The following TENM4 variants were observed in gnomAD, a reference collection of about 807,000 sequenced individuals.
The protein encoded by TENM4 is teneurin-4.
In TENM4, 82 loss-of-function variants were observed where a neutral mutation model predicts 243.3. The observed-to-expected ratio is 0.34, with a 90% CI of 0.28 to 0.40. The LOEUF is 0.40. Ranked by LOEUF, TENM4 falls within the 10% of genes least tolerant of loss-of-function variation. TENM4 has a pLI of 1.00. For synonymous variants in TENM4, 1,412 were observed against 1,456.3 expected, an observed-to-expected ratio of 0.97 and a Z score of 0.69; for missense variants, 3,138 against 3,673.3, an observed-to-expected ratio of 0.85 and a Z score of 3.77.
intron 1 of TENM4, among the ~76,000 whole-genome samples, chr11:79,325,655 G>A (rs755793578): frequency 4.8e-4 from 73 of 152,196 alleles, no homozygotes; most frequent in Admixed American, 1.6e-3. Context: ...TGTTTATTAT[G>A]AGCAAAGGCT....
At chr11:78,663,696 C>T (rs74371635) in intron 32 of TENM4, among the ~76,000 whole-genome samples, 4,328 of 152,222 alleles carry the variant, frequency 0.028, 91 homozygotes, top group Non-Finnish European at 0.041. Context: ...AGCCTCTTTT[C>T]CTTATAAATT....
chr11:78,862,984 C>T lies in TENM4; in HGVS notation c.1233G>A (p.Arg411=), dbSNP rs1253808496. ...TACCTTCTGTGGTTCCTTTGCCTTT[C>T]CTGTCAGGGGTCTCTAAGCCAGTGC... ...SGGTGLETPD[R]KGKGTTEGKP... is the part of the protein sequence containing the mutation. Residue 411 remains arginine, a synonymous_variant, in exon 10 of 34, where the codon AGG becomes AGA. Transcript: ENST00000278550. The T allele has an allele frequency of 2.0e-6, 3 of 1,475,958 alleles. No homozygotes were observed. Among genetic ancestry groups the T allele is most frequent in the Non-Finnish European group, 2.7e-6 (3 of 1,095,078 alleles). The allele number at this position is 1,475,958 out of a possible 1,614,324, so 91.4% of individuals were successfully genotyped here.
chr11:78,788,976 C>A (rs1856997305), intron 15 of TENM4, among the ~76,000 whole-genome samples: 1 of 152,020 alleles, frequency 6.6e-6, no homozygotes, highest in South Asian at 2.1e-4. Flanking sequence ...TGTAATTCAC[C>A]CTGTGGGTTA....
At chr11:78,729,283 T>C in intron 22 of TENM4, 93 bp downstream of exon 22, 1 of 1,367,058 alleles carries the variant, frequency 7.3e-7, no homozygotes, top group Non-Finnish European at 9.8e-7. Context: ...ATTTTTGATC[T>C]GAGAAGAGGA....
At chr11:79,057,019 G>C (rs888576025) in intron 6 of TENM4, among the ~76,000 whole-genome samples, 1 of 152,130 alleles carries the variant, frequency 6.6e-6, no homozygotes, top group African/African-American at 2.4e-5. Flanking sequence ...CCATCCACAG[G>C]TACAGGTACT....
chr11:79,306,981 C>G (rs80253422), intron 1 of TENM4, among the ~76,000 whole-genome samples: 5,346 of 152,218 alleles, frequency 0.035, 299 homozygotes, highest in African/African-American at 0.12. Flanking sequence ...AGAAAATGTA[C>G]CAGATGTGCC....
At chr11:79,170,119 G>A (rs1445706262) in intron 3 of TENM4, among the ~76,000 whole-genome samples, 5 of 151,982 alleles carry the variant, frequency 3.3e-5, no homozygotes, top group African/African-American at 9.7e-5. Context: ...GGTTTTTGGA[G>A]GATAATGGTA....
intron 9 of TENM4, among the ~76,000 whole-genome samples, chr11:78,888,706 A>G (rs1054688343): frequency 1.3e-5 from 2 of 152,218 alleles, no homozygotes; most frequent in Non-Finnish European, 2.9e-5. Context: ...TCTTTTTCAC[A>G]GTGGGCAGCA....
intron 4 of TENM4, among the ~76,000 whole-genome samples, chr11:79,114,503 A>G (rs548137238): frequency 2.6e-4 from 39 of 152,350 alleles, no homozygotes; most frequent in African/African-American, 8.9e-4. Context: ...TTTATTTTCT[A>G]CATGACAAAA....
intron 6 of TENM4, among the ~76,000 whole-genome samples, chr11:79,058,961 T>C (rs777999983): frequency 1.2e-4 from 19 of 152,316 alleles, no homozygotes; most frequent in Admixed American, 4.6e-4. Flanking sequence ...GATATTCTTA[T>C]AGATTTTTAA....
chr11:78,995,765 G>A (rs952428712), intron 6 of TENM4, among the ~76,000 whole-genome samples: 2 of 151,942 alleles, frequency 1.3e-5, no homozygotes, highest in Non-Finnish European at 2.9e-5. Flanking sequence ...CAGAGTGAGG[G>A]TGGCAAGAAA....
chr11:78,905,569 T>C (rs565007050), intron 6 of TENM4, among the ~76,000 whole-genome samples: 4 of 152,298 alleles, frequency 2.6e-5, no homozygotes, highest in Non-Finnish European at 4.4e-5. Flanking sequence ...AGCTCCATCA[T>C]GCATCCTCCA....
chr11:78,846,036 T>C (rs1336749251), intron 12 of TENM4, among the ~76,000 whole-genome samples: 1 of 152,200 alleles, frequency 6.6e-6, no homozygotes, highest in African/African-American at 2.4e-5. Flanking sequence ...GCTGATTCTC[T>C]GACTACGAGA....
chr11:79,176,224 A>G (rs965322518), intron 3 of TENM4, among the ~76,000 whole-genome samples: 10 of 152,228 alleles, frequency 6.6e-5, no homozygotes, highest in African/African-American at 1.9e-4. Flanking sequence ...CAGTCATTCA[A>G]CTGATGACTT....
chr11:78,854,162 C>G lies in TENM4; in HGVS notation c.1623G>C (p.Leu541Phe). The change falls in exon 12 of 34, where the codon TTG (leucine) becomes TTC (phenylalanine). Residue 541 changes from leucine (L) to phenylalanine (F), a missense_variant. By Grantham distance (22) the Leu-to-Phe change is conservative. Transcript: ENST00000278550. ...IQYLDSGIWH[L>F]AFYNDGKESE... ...ACTCCTTTCCGTCATTGTAAAAAGCCAAGTGCCAGATTCCTGAATCCAAAT... is the reference window on the plus strand; with the variant it reads ...ACTCCTTTCCGTCATTGTAAAAAGCGAAGTGCCAGATTCCTGAATCCAAAT... 6.4e-7 allele frequency: 1 copy of G among 1,551,716 alleles called. No individual in the cohort carries two copies. Among genetic ancestry groups the G allele is most frequent in the African/African-American group, 1.4e-5 (1 of 73,174 alleles).
intron 12 of TENM4, among the ~76,000 whole-genome samples, chr11:78,842,579 C>T (rs1858285141): frequency 6.6e-6 from 1 of 152,236 alleles, no homozygotes; most frequent in Non-Finnish European, 1.5e-5. Flanking sequence ...AAGCCTGTCC[C>T]AGGCTGGCCT....
intron 12 of TENM4, among the ~76,000 whole-genome samples, chr11:78,819,220 C>G (rs1023787192): frequency 6.6e-6 from 1 of 152,150 alleles, no homozygotes; most frequent in Non-Finnish European, 1.5e-5. Context: ...CTGCGGTGCC[C>G]GTTTTGACTG....
chr11:78,688,221 T>C lies in TENM4; in HGVS notation c.5093A>G (p.Asp1698Gly). The C allele has an allele frequency of 6.2e-7, 1 of 1,613,004 alleles. No individual in the cohort carries two copies. ...CACATTTGTCAGGCGGCCAAAGCTGTCGTACCTGGAAACCAAGGGGTGGCA... is the reference window on the plus strand; with the variant it reads ...CACATTTGTCAGGCGGCCAAAGCTGCCGTACCTGGAAACCAAGGGGTGGCA... Reference protein sequence around the residue: ...ENGWTTFYEYDSFGRLTNVTF... With the variant: ...ENGWTTFYEYGSFGRLTNVTF... Residue 1698 changes from aspartate to glycine, a missense_variant, in exon 29 of 34, where the codon GAC becomes GGC. Asp to Gly is a moderately conservative substitution (Grantham distance 94). Coordinates refer to ENST00000278550, the MANE Select transcript of TENM4 (RefSeq NM_001098816.3).
Position 78,712,503 on chromosome 11 carries a change from C to A in TENM4, c.4033G>T (p.Ala1345Ser). Residue 1345 changes from alanine (A) to serine (S), a missense_variant, in exon 26 of 34, where the codon GCC becomes TCC. This residue lies in a region of TENM4 where 2,467 missense variants were observed against 3,059.1 expected (regional missense o/e 0.81). Transcript: ENST00000278550. ...TTACCCCTGGGATTGGTGAGTGTGG[C>A]TTCTGTGGCCTTCCCACCATCCCCG... Reference protein sequence around the residue: ...RCGDGGKATEATLTNPRGITV... With the variant: ...RCGDGGKATESTLTNPRGITV... 6.2e-7 allele frequency: 1 copy of A among 1,613,922 alleles called. No individual in the cohort carries two copies. The highest frequency in any genetic ancestry group is 8.5e-7 in the Non-Finnish European group (1 of 1,179,860).
Sources: allele counts gnomAD v4.1 joint callset (sites outside exome capture counted in the v4.1 genomes callset), GRCh38; gene constraint gnomAD v4.1.1; regional missense constraint gnomAD v4.1.1; transcripts MANE v1.5; gene names NCBI Gene and HGNC (gene_info 2026-07-23, HGNC 2026-07-21).